The following SNX29 variants were observed in gnomAD, a reference collection of about 807,000 sequenced individuals.
SNX29 encodes sorting nexin 29.
In SNX29, 78 loss-of-function variants were observed where a neutral mutation model predicts 102.1. That is an observed-to-expected ratio of 0.76 (90% CI 0.64 to 0.92). The LOEUF is 0.92. SNX29 is among the 40% of genes least tolerant of loss of function. The pLI is 0.00. For missense variants in SNX29, 1,280 were observed against 1,061.7 expected, an observed-to-expected ratio of 1.21 and a Z score of -2.86; for synonymous variants, 580 against 414.5, an observed-to-expected ratio of 1.40 and a Z score of -4.85.
rs936527047 is a variant in SNX29, at chr16:12,572,359, G to A, written c.*3730G>A. 8 of 1,062,964 alleles carry A rather than the reference G, an allele frequency of 7.5e-6. No individual in the cohort carries two copies. Among genetic ancestry groups the A allele is most frequent in the African/African-American group, 1.6e-5 (1 of 60,950 alleles). The allele number at this position is 1,062,964 out of a possible 1,614,324, so 65.8% of individuals were successfully genotyped here. ...AGCCTGCCTGGTTGATGGACAGCAG[G>A]CTCTGCCTTCTGGAGGCGGCTTATA... is the stretch of plus-strand genomic sequence containing the variant. On this transcript the variant is annotated 3_prime_UTR_variant, in exon 21 of 21. Coordinates refer to ENST00000566228, the MANE Select transcript of SNX29 (RefSeq NM_032167.5).
chr16:12,206,772 T>C (rs1380865614), intron 14 of SNX29, among the ~76,000 whole-genome samples: 2 of 149,732 alleles, frequency 1.3e-5, no homozygotes, highest in East Asian at 2.0e-4. Flanking sequence ...TCCCAATGCT[T>C]GGCCCCACCC....
chr16:12,201,551 C>G (rs1332137060), intron 14 of SNX29, among the ~76,000 whole-genome samples: 2 of 152,204 alleles, frequency 1.3e-5, no homozygotes, highest in Admixed American at 1.3e-4. Flanking sequence ...TTTCTCCAAA[C>G]CTCTGGTTCT....
chr16:12,405,616 C>T (rs1157346436), intron 18 of SNX29, among the ~76,000 whole-genome samples: 1 of 152,168 alleles, frequency 6.6e-6, no homozygotes, highest in African/African-American at 2.4e-5. Context: ...AAAATCAGAG[C>T]ATGTGTTTGG....
intron 11 of SNX29, among the ~76,000 whole-genome samples, chr16:12,095,752 G>C (rs2052741672): frequency 6.6e-6 from 1 of 152,196 alleles, no homozygotes; most frequent in African/African-American, 2.4e-5. Context: ...ATAGAGTCAG[G>C]TGAGCCCAGA....
At chr16:12,118,832 T>A (rs350210) in intron 11 of SNX29, among the ~76,000 whole-genome samples, 4 of 151,916 alleles carry the variant, frequency 2.6e-5, no homozygotes, top group Admixed American at 6.6e-5. Context: ...GAGGCTGCTG[T>A]GGGAGTTCCT....
At chr16:12,520,410 C>T (rs556861238) in intron 19 of SNX29, among the ~76,000 whole-genome samples, 1 of 152,292 alleles carries the variant, frequency 6.6e-6, no homozygotes, top group South Asian at 2.1e-4. Flanking sequence ...GTCCCTGCTG[C>T]CTGATGGAAG....
intron 19 of SNX29, among the ~76,000 whole-genome samples, chr16:12,490,244 T>C (rs919417314): frequency 1.3e-5 from 2 of 152,142 alleles, no homozygotes; most frequent in African/African-American, 4.8e-5. Flanking sequence ...TCCAGAGCCT[T>C]GTCTTGTTAA....
Position 12,356,205 on chromosome 16 carries a change from C to T in SNX29, c.1825C>T (p.Leu609=). Residue 609 remains leucine, a synonymous_variant, in exon 16 of 21, where the codon CTG becomes TTG. Coordinates refer to ENST00000566228, the MANE Select transcript of SNX29 (RefSeq NM_032167.5). Reference sequence around the variant, plus strand: ...CGAGCTGATTGAGTTCAACGAGCGCCTGCACAGGGCCCTGGTAGCCAAGGA... The same window carrying T: ...CGAGCTGATTGAGTTCAACGAGCGCTTGCACAGGGCCCTGGTAGCCAAGGA... ...HGELIEFNER[L]HRALVAKEAL... The T allele has an allele frequency of 1.9e-6, 3 of 1,613,492 alleles. No individual in the cohort carries two copies. The highest frequency in any genetic ancestry group is 2.2e-5 in the East Asian group (1 of 44,838).
Position 12,570,033 on chromosome 16 carries a change from C to A in SNX29, c.*1404C>A. On this transcript the variant is annotated 3_prime_UTR_variant, in exon 21 of 21. Transcript: ENST00000566228. ...GAGAACTGCCCAGGTGAGCATGGAG[C>A]ATCTCCTAGGCTCGAGGACATCTCT... is the stretch of plus-strand genomic sequence containing the variant. 3 of 381,258 alleles carry A rather than the reference C, an allele frequency of 7.9e-6. No individual in the cohort carries two copies. The highest frequency in any genetic ancestry group is 1.2e-5 in the Non-Finnish European group (3 of 254,044). 23.6% of individuals were successfully genotyped at this position (381,258 alleles called of 1,614,324 possible).
chr16:12,363,747 C>T (rs28368750), intron 16 of SNX29, among the ~76,000 whole-genome samples: 1 of 152,116 alleles, frequency 6.6e-6, no homozygotes, highest in African/African-American at 2.4e-5. Context: ...TCAGTGGTAT[C>T]TTTTTATAAT....
intron 10 of SNX29, among the ~76,000 whole-genome samples, chr16:12,071,451 C>G (rs1019290504): frequency 6.6e-6 from 1 of 152,058 alleles, no homozygotes; most frequent in African/African-American, 2.4e-5. Context: ...GCTTGTTTTT[C>G]TCAGGTTTGT....
At chr16:12,249,024 T>C in intron 14 of SNX29, among the ~76,000 whole-genome samples, 1 of 152,056 alleles carries the variant, frequency 6.6e-6, no homozygotes, top group Non-Finnish European at 1.5e-5. Context: ...AGTAAGGAGA[T>C]GTTTTCTTTA....
Position 12,364,667 on chromosome 16 carries a change from T to A in SNX29, c.1899+8388T>A, listed in dbSNP as rs553299707. On this transcript the variant is annotated intron_variant, in intron 16 of 20. Coordinates refer to ENST00000566228, the MANE Select transcript of SNX29 (RefSeq NM_032167.5). ...GGTGAAGCCACTCATTAAATGCAGT[T>A]TGTTCCCATGGTGGATGCAAACACG... 5.3e-5 allele frequency among the ~76,000 whole-genome samples: 8 copies of A among 152,248 alleles called. No homozygotes were observed. In the South Asian group the frequency reaches 1.5e-3, roughly 28 times the overall value.
chr16:12,449,101 C>T (rs2086190190), intron 18 of SNX29, among the ~76,000 whole-genome samples: 1 of 152,074 alleles, frequency 6.6e-6, no homozygotes, highest in South Asian at 2.1e-4. Flanking sequence ...GACATAGCTC[C>T]TTACCCTCAG....
chr16:12,448,965 G>C (rs756985777), intron 18 of SNX29, among the ~76,000 whole-genome samples: 1 of 152,228 alleles, frequency 6.6e-6, no homozygotes, highest in Non-Finnish European at 1.5e-5. Flanking sequence ...CAAGCTAGGG[G>C]AAGAGTTGCT....
intron 20 of SNX29, among the ~76,000 whole-genome samples, chr16:12,536,941 A>G (rs2077102926): frequency 6.6e-6 from 1 of 152,158 alleles, no homozygotes; most frequent in African/African-American, 2.4e-5. Flanking sequence ...ACAGCACTGC[A>G]CTCCAGCCTA....
chr16:12,202,430 C>T (rs1010624232), intron 14 of SNX29, among the ~76,000 whole-genome samples: 17 of 152,068 alleles, frequency 1.1e-4, no homozygotes, highest in African/African-American at 1.9e-4. Context: ...TCAGATTTGC[C>T]GGAAGTTTAC....
At chr16:12,142,771 C>G (rs11641707) in intron 13 of SNX29, among the ~76,000 whole-genome samples, 1 of 151,660 alleles carries the variant, frequency 6.6e-6, no homozygotes, top group Non-Finnish European at 1.5e-5. Flanking sequence ...TCATGTTGAC[C>G]AGGCTGATCT....
intron 20 of SNX29, among the ~76,000 whole-genome samples, chr16:12,541,215 C>T (rs1410159700): frequency 1.3e-5 from 2 of 152,092 alleles, no homozygotes; most frequent in South Asian, 2.1e-4. Context: ...AATATTGGTG[C>T]ATGGAGAGAA....
Sources: gnomAD v4.1 joint callset for allele counts (sites outside exome capture counted in the v4.1 genomes callset) on GRCh38, gnomAD v4.1.1 for gene constraint, MANE v1.5 for transcripts, NCBI Gene and HGNC (gene_info 2026-07-23, HGNC 2026-07-21) for gene names.